The following ZNF442 variants were observed in gnomAD, a reference collection of about 807,000 sequenced individuals.
ZNF442 encodes the protein zinc finger protein 442.
A neutral mutation model predicts 57.0 loss-of-function variants in ZNF442; 45 were observed. The ratio of observed to expected loss-of-function variants is 0.79; its 90% CI spans 0.62 to 1.01. The LOEUF (loss-of-function observed/expected upper bound fraction) is 1.01, where lower values mean the gene tolerates loss of function less well. ZNF442 is among the 50% of genes least tolerant of loss of function. The pLI, the probability that ZNF442 is intolerant of heterozygous loss-of-function variation, is 0.00. For synonymous variants in ZNF442, 213 were observed against 241.8 expected (o/e 0.88, Z 1.10); for missense variants, 690 against 756.5 (o/e 0.91, Z 1.03).
chr19:12,373,662 T>C, the ZNF442 span: 2 of 308,976 alleles, frequency 6.5e-6, no homozygotes, highest in Non-Finnish European at 1.3e-5. Context: ...TCCGGAAATA[T>C]GGTCTCAATA....
the ZNF442 span, among the ~76,000 whole-genome samples, chr19:12,373,229 G>A: frequency 0.012 from 1,799 of 152,268 alleles, 44 homozygotes; most frequent in African/African-American, 0.04. Context: ...AACATAGACA[G>A]ATGCTGCACA....
intron 3 of ZNF442, among the ~76,000 whole-genome samples, chr19:12,354,458 T>C (rs377145302): frequency 3.3e-5 from 5 of 152,308 alleles, no homozygotes; most frequent in African/African-American, 1.2e-4. Context: ...AGAACTTTAG[T>C]AGTCAACAAA....
At chr19:12,371,976 C>T in the ZNF442 span, among the ~76,000 whole-genome samples, 2 of 152,116 alleles carry the variant, frequency 1.3e-5, no homozygotes, top group African/African-American at 4.8e-5. Flanking sequence ...AGCTTCTGTA[C>T]AGCAAAAGGA....
At chr19:12,361,631 T>C (rs1969426651) in intron 3 of ZNF442, among the ~76,000 whole-genome samples, 2 of 151,756 alleles carry the variant, frequency 1.3e-5, no homozygotes, top group South Asian at 4.2e-4. Flanking sequence ...AAAAAAAAAG[T>C]AAATGAAGGG....
At chr19:12,353,241 T>C in intron 3 of ZNF442, 127 bp from the exon 4 acceptor site, 1 of 991,838 alleles carries the variant, frequency 1.0e-6, no homozygotes, top group Non-Finnish European at 1.4e-6. Flanking sequence ...AAATCCACCC[T>C]TATTCTCTGT....
Position 12,365,548 on chromosome 19 carries a change from GC to G in ZNF442, c.-499del. 1 of 544,206 alleles carries G rather than the reference GC, an allele frequency of 1.8e-6. No homozygotes were observed. The highest frequency in any genetic ancestry group is 3.3e-6 in the Non-Finnish European group (1 of 304,066). 33.7% of individuals were successfully genotyped at this position (544,206 alleles called of 1,614,324 possible). A position where few individuals can be genotyped will look rare whatever the true frequency, so the allele number is the denominator to read the frequency against. On this transcript the variant is annotated 5_prime_UTR_variant, in exon 1 of 6. It introduces an in-frame stop codon into an upstream open reading frame of the 5' UTR. Coordinates refer to ENST00000242804, the MANE Select transcript of ZNF442 (RefSeq NM_030824.3). ...GCACACTCACCATTTCCCGGCTTCCGCGGTGTCCCGTGTTCTCCCCAAGGTT... is the reference window on the plus strand; with the variant it reads ...GCACACTCACCATTTCCCGGCTTCCGGGTGTCCCGTGTTCTCCCCAAGGTT...
chr19:12,373,485 T>C, the ZNF442 span: 1 of 152,912 alleles, frequency 6.5e-6, no homozygotes, highest in Admixed American at 6.5e-5. Context: ...GAGGTTGCAG[T>C]GAGCTGTGAT....
intron 3 of ZNF442, among the ~76,000 whole-genome samples, chr19:12,359,454 C>T (rs1244996578): frequency 1.3e-5 from 2 of 152,168 alleles, no homozygotes; most frequent in African/African-American, 4.8e-5. Context: ...ATAACTCAGC[C>T]AGATAAAGAA....
upstream of ZNF442, among the ~76,000 whole-genome samples, chr19:12,368,019 T>A (rs1011674734): frequency 6.6e-6 from 1 of 152,154 alleles, no homozygotes; most frequent in African/African-American, 2.4e-5. Flanking sequence ...GTGATATTTC[T>A]CCTACTCACA....
chr19:12,366,298 T>C (rs1969529698), upstream of ZNF442, among the ~76,000 whole-genome samples: 1 of 152,134 alleles, frequency 6.6e-6, no homozygotes, highest in African/African-American at 2.4e-5. Context: ...AAACCTGAAT[T>C]AGTTCAGAGA....
rs1057382563 is a variant in ZNF442, at chr19:12,347,660, G to C, written c.*2041C>G. On this transcript the variant is annotated 3_prime_UTR_variant, in exon 6 of 6. Coordinates refer to ENST00000242804, the MANE Select transcript of ZNF442 (RefSeq NM_030824.3). ...GAGAATAACGGCCCTAACTGTAACA[G>C]AACAGCCAGGACTTCCCCAACCCCT... The C allele has an allele frequency of 6.6e-6, 1 of 152,192 alleles. No individual in the cohort carries two copies. Among genetic ancestry groups the C allele is most frequent in the South Asian group, 2.1e-4 (1 of 4,832 alleles). 9.4% of individuals were successfully genotyped at this position (152,192 alleles called of 1,614,324 possible).
intron 4 of ZNF442, among the ~76,000 whole-genome samples, chr19:12,352,717 A>C (rs1273901279): frequency 2.0e-5 from 3 of 152,216 alleles, no homozygotes; most frequent in Non-Finnish European, 4.4e-5. Context: ...TTTTTATGAG[A>C]ATATAGTATG....
At chr19:12,358,506 G>A (rs1969372875) in intron 3 of ZNF442, among the ~76,000 whole-genome samples, 1 of 152,142 alleles carries the variant, frequency 6.6e-6, no homozygotes, top group East Asian at 1.9e-4. Flanking sequence ...ATAAGTGCAG[G>A]TATCTTTTTG....
At chr19:12,360,142 C>T (rs1969399096) in intron 3 of ZNF442, among the ~76,000 whole-genome samples, 7 of 152,118 alleles carry the variant, frequency 4.6e-5, no homozygotes, top group Admixed American at 3.9e-4. Context: ...CTGAGTTTCA[C>T]TCTTGTGAGC....
chr19:12,349,760 G>A lies in ZNF442; in HGVS notation c.1825C>T (p.Leu609=). Residue 609 remains leucine (L), a synonymous_variant, in exon 6 of 6, where the codon CTG becomes TTG. Transcript: ENST00000242804. ...CTATGCAAGGAACTGAGAGAACTCA[G>A]TGCCTTCCCACATTCCTTACATTCA... ...MHECKECGKA[L]SSLSSLHRHK... is the part of the protein sequence containing the mutation. 6.2e-7 allele frequency: 1 copy of A among 1,614,124 alleles called. No homozygotes were observed.
In ZNF442 at chr19:12,363,661, A is replaced by G. The variant is rs772401201; in HGVS notation, c.-30T>C. On this transcript the variant is annotated 5_prime_UTR_variant, in exon 3 of 6. Transcript: ENST00000242804. ...CTGGCTGACCAGCCGTGTGTCCCCA[A>G]GGAATGGAAACTGGGGTTGGGGAAG... is the stretch of plus-strand genomic sequence containing the variant. 1.9e-6 allele frequency: 3 copies of G among 1,603,650 alleles called. No homozygotes were observed. The highest frequency in any genetic ancestry group is 2.6e-6 in the Non-Finnish European group (3 of 1,170,542).
intron 3 of ZNF442, among the ~76,000 whole-genome samples, chr19:12,360,639 C>T (rs540408619): frequency 5.9e-5 from 9 of 152,298 alleles, no homozygotes; most frequent in Admixed American, 3.9e-4. Context: ...TGCAGTGGCG[C>T]GATCTCAGCT....
At position 12,351,043 on chromosome 19, in the gene ZNF442, T is replaced by C. The variant is rs756962508; in HGVS notation, c.542A>G (p.Tyr181Cys). 3.7e-6 allele frequency: 6 copies of C among 1,614,154 alleles called. No individual in the cohort carries two copies. The highest frequency in any genetic ancestry group is 3.3e-5 in the Admixed American group (2 of 60,026). The change falls in exon 6 of 6, where the codon TAT becomes TGT. Residue 181 changes from tyrosine to cysteine, a missense_variant. Tyr to Cys is a radical substitution (Grantham distance 194). Transcript: ENST00000242804. ...GGTTTTCCCACATTCCTTACAATCA[T>C]AGCGTTTCTTTCCAGTGTGAGGTCT... ...QERPHTGKKR[Y>C]DCKECGKTFS... is the part of the protein sequence containing the mutation.
rs1252038730 is a variant in ZNF442, at chr19:12,364,839, G to C, written c.-78C>G. ...TGCCTCGCGGGGGCCGCCTTCCTGAGAGTCAGGTCACAGAAGACACTGACC... is the reference window on the plus strand; with the variant it reads ...TGCCTCGCGGGGGCCGCCTTCCTGACAGTCAGGTCACAGAAGACACTGACC... On this transcript the variant is annotated 5_prime_UTR_variant, in exon 2 of 6. Coordinates refer to ENST00000242804, the MANE Select transcript of ZNF442 (RefSeq NM_030824.3). 6.6e-6 allele frequency: 1 copy of C among 152,124 alleles called. No individual in the cohort carries two copies. The highest frequency in any genetic ancestry group is 6.6e-5 in the Admixed American group (1 of 15,258). The allele number at this position is 152,124 out of a possible 1,614,324, so 9.4% of individuals were successfully genotyped here.
Sources: gnomAD v4.1 joint callset for allele counts (sites outside exome capture counted in the v4.1 genomes callset) on GRCh38, gnomAD v4.1.1 for gene constraint, MANE v1.5 for transcripts, NCBI Gene and HGNC (gene_info 2026-07-23, HGNC 2026-07-21) for gene names.